The following ENTHD1 variants were observed in gnomAD, a reference collection of about 807,000 sequenced individuals.
The protein encoded by ENTHD1 is ENTH domain-containing protein 1.
ENTHD1 carries 23 observed loss-of-function variants against 39.1 expected under a neutral mutation model. That is an observed-to-expected ratio of 0.59 (90% CI 0.42 to 0.83). ENTHD1 has a LOEUF of 0.83. Among genes scored for constraint, ENTHD1 ranks in the 40% least tolerant of loss-of-function variants. The pLI, the probability that ENTHD1 is intolerant of heterozygous loss-of-function variation, is 0.00. For missense variants in ENTHD1, 624 were observed against 705.4 expected (o/e 0.88, Z 1.31); for synonymous variants, 230 against 258.2 (o/e 0.89, Z 1.05).
At chr22:39,856,876 A>G (rs923956455) in intron 3 of ENTHD1, among the ~76,000 whole-genome samples, 1 of 151,736 alleles carries the variant, frequency 6.6e-6, no homozygotes, top group Non-Finnish European at 1.5e-5. Context: ...AAAGAAAGAA[A>G]GAAAAGGAAA....
chr22:39,749,922 G>A (rs111315352), intron 6 of ENTHD1, among the ~76,000 whole-genome samples: 1 of 152,276 alleles, frequency 6.6e-6, no homozygotes, highest in South Asian at 2.1e-4. Flanking sequence ...TAAGGTGTGC[G>A]AGCAGACACC....
At chr22:39,854,106 G>A (rs2066065799) in intron 3 of ENTHD1, among the ~76,000 whole-genome samples, 1 of 152,104 alleles carries the variant, frequency 6.6e-6, no homozygotes, top group Admixed American at 6.5e-5. Flanking sequence ...ATTCAGACAT[G>A]CTGATTCACC....
intron 3 of ENTHD1, among the ~76,000 whole-genome samples, chr22:39,849,120 T>C (rs967255402): frequency 4.6e-5 from 7 of 152,188 alleles, no homozygotes; most frequent in African/African-American, 1.7e-4. Context: ...AGTCTTGTTA[T>C]TTAGAAAGGC....
At chr22:39,876,229 T>C in intron 2 of ENTHD1, 1 of 1,199,916 alleles carries the variant, frequency 8.3e-7, no homozygotes, top group Admixed American at 2.9e-5. Context: ...GAATTGATGA[T>C]GTATTTGCAA....
intron 1 of ENTHD1, among the ~76,000 whole-genome samples, chr22:39,892,090 C>A (rs2066431668): frequency 6.6e-6 from 1 of 152,122 alleles, no homozygotes; most frequent in African/African-American, 2.4e-5. Context: ...ACAGATATTT[C>A]TTGAGTACCT....
Position 39,867,203 on chromosome 22 carries a change from C to T in ENTHD1, c.350-5196G>A, listed in dbSNP as rs548314355. Reference sequence around the variant, plus strand: ...CAGGCGTGAGCCACCGCGCCCGGCCCGAGAAATCTATATACATTTACAGCT... The same window carrying T: ...CAGGCGTGAGCCACCGCGCCCGGCCTGAGAAATCTATATACATTTACAGCT... On this transcript the variant is annotated intron_variant, in intron 2 of 6. Transcript: ENST00000325157. This position sits in a 1 kb window ranked among gnomAD's most constrained non-coding sequence, Gnocchi z 4.5. Among the ~76,000 whole-genome samples, 3 of 152,130 alleles carry T rather than the reference C, an allele frequency of 2.0e-5. No individual in the cohort carries two copies. The highest frequency in any genetic ancestry group is 1.9e-4 in the East Asian group (1 of 5,180).
At chr22:39,749,579 T>C (rs558803732) in intron 6 of ENTHD1, among the ~76,000 whole-genome samples, 2 of 152,316 alleles carry the variant, frequency 1.3e-5, no homozygotes, top group South Asian at 2.1e-4. Context: ...AGGCAGAAGG[T>C]CTTTGGTCAA....
At chr22:39,851,417 A>T (rs1012560845) in intron 3 of ENTHD1, among the ~76,000 whole-genome samples, 5 of 152,196 alleles carry the variant, frequency 3.3e-5, no homozygotes, top group Admixed American at 6.5e-5. Flanking sequence ...TATATCCTTT[A>T]TTTATGTAAA....
intron 6 of ENTHD1, among the ~76,000 whole-genome samples, chr22:39,749,312 G>A (rs550899942): frequency 7.9e-5 from 12 of 152,260 alleles, no homozygotes; most frequent in South Asian, 6.2e-4. Flanking sequence ...ATAAATCGCT[G>A]TATTTTAAAA....
At chr22:39,857,443 CAAAAAAAAAAAAAAA>C (rs71197196) in intron 3 of ENTHD1, among the ~76,000 whole-genome samples, 1 of 24,710 alleles carries the variant, frequency 4.0e-5, no homozygotes, top group Non-Finnish European at 9.3e-5. Context: ...AACTCCGTCT[CAAAAAAAAAAAAAAA>C]AAAAAAAAAA....
At chr22:39,877,872 C>T (rs1236508994) in intron 2 of ENTHD1, among the ~76,000 whole-genome samples, 1 of 152,128 alleles carries the variant, frequency 6.6e-6, no homozygotes, top group African/African-American at 2.4e-5. Flanking sequence ...TACCTGAGAT[C>T]CTCTTACTGT....
At chr22:39,768,715 C>T (rs894683501) in intron 5 of ENTHD1, among the ~76,000 whole-genome samples, 1 of 152,038 alleles carries the variant, frequency 6.6e-6, no homozygotes, top group Non-Finnish European at 1.5e-5. Context: ...TTAAATTTAA[C>T]TATATCTTAA....
chr22:39,845,484 C>T (rs1260034826), intron 3 of ENTHD1, among the ~76,000 whole-genome samples: 6 of 151,756 alleles, frequency 4.0e-5, no homozygotes, highest in Admixed American at 1.3e-4. Context: ...GGTAGAAAAA[C>T]GAGCAGAGAA....
intron 2 of ENTHD1, 63 bp from the exon 3 acceptor site, chr22:39,862,070 T>C: frequency 7.8e-7 from 1 of 1,280,808 alleles, no homozygotes; most frequent in Non-Finnish European, 1.0e-6. Context: ...ATTAATTTTT[T>C]TTCTACAGAA....
chr22:39,847,535 TAAAA>T (rs1268494306), intron 3 of ENTHD1, among the ~76,000 whole-genome samples: 2 of 149,678 alleles, frequency 1.3e-5, no homozygotes, highest in African/African-American at 4.9e-5. Context: ...TAAATAAAAA[TAAAA>T]AAATAAAGTC....
chr22:39,848,598 G>A lies in ENTHD1; in HGVS notation c.593-12640C>T, dbSNP rs561460597. On this transcript the variant is annotated intron_variant, in intron 3 of 6. Coordinates refer to ENST00000325157, the MANE Select transcript of ENTHD1 (RefSeq NM_152512.4). ...TCATCTGATTAGATAGGGCCTACCAGCATAATACCTTTTTTGCCTTAGAAT... is the reference window on the plus strand; with the variant it reads ...TCATCTGATTAGATAGGGCCTACCAACATAATACCTTTTTTGCCTTAGAAT... Among the ~76,000 whole-genome samples the A allele has an allele frequency of 1.4e-4, 22 of 152,202 alleles. No individual in the cohort carries two copies. In the East Asian group the frequency reaches 3.7e-3, roughly 25 times the overall value.
At chr22:39,750,217 A>G (rs2146533236) in intron 6 of ENTHD1, 1 of 197,930 alleles carries the variant, frequency 5.1e-6, no homozygotes, top group Admixed American at 4.6e-5. Context: ...TATTAATGAG[A>G]AAATGCTTCT....
intron 3 of ENTHD1, among the ~76,000 whole-genome samples, chr22:39,856,104 G>A (rs908755432): frequency 1.3e-5 from 2 of 151,740 alleles, no homozygotes; most frequent in East Asian, 1.9e-4. Context: ...GAGAAACCCC[G>A]TCTCTACTAA....
At chr22:39,858,608 C>T (rs2066114795) in intron 3 of ENTHD1, among the ~76,000 whole-genome samples, 1 of 152,162 alleles carries the variant, frequency 6.6e-6, no homozygotes, top group Non-Finnish European at 1.5e-5. Context: ...TGTATTTCTT[C>T]AGTAATAAGA....
Sources: gnomAD v4.1 joint callset for allele counts (sites outside exome capture counted in the v4.1 genomes callset) on GRCh38, gnomAD v4.1.1 for gene constraint, Gnocchi (gnomAD v3.1) non-coding constraint, MANE v1.5 for transcripts, NCBI Gene and HGNC (gene_info 2026-07-23, HGNC 2026-07-21) for gene names.